The following ZYG11A variants were observed in gnomAD, a reference collection of about 807,000 sequenced individuals.
ZYG11A encodes the protein zyg-11 family member A, cell cycle regulator.
In ZYG11A, 62 loss-of-function variants were observed where a neutral mutation model predicts 77.2. That is an observed-to-expected ratio of 0.80 (90% CI 0.65 to 0.99). The LOEUF (loss-of-function observed/expected upper bound fraction) is 0.99. ZYG11A is among the 50% of genes least tolerant of loss of function. ZYG11A has a pLI of 0.00. For missense variants in ZYG11A, 828 were observed against 896.8 expected, an observed-to-expected ratio of 0.92 and a Z score of 0.98; for synonymous variants, 315 against 324.6, an observed-to-expected ratio of 0.97 and a Z score of 0.32.
chr1:52,877,369 T>G (rs1399882596), intron 8 of ZYG11A, among the ~76,000 whole-genome samples: 1 of 152,170 alleles, frequency 6.6e-6, no homozygotes, highest in African/African-American at 2.4e-5. Context: ...TCTTTTGTAC[T>G]TGGCTTAGAG....
chr1:52,842,840 C>A lies in ZYG11A; in HGVS notation c.-44C>A. ...GGTTCTCGCGGGATCCGGGCTCCGG[C>A]TCGACGCCGGCTCTCTTTTTGACGC... On this transcript the variant is annotated 5_prime_UTR_variant, in exon 1 of 14. Coordinates refer to ENST00000371528, the MANE Select transcript of ZYG11A (RefSeq NM_001004339.3). 1 of 1,516,192 alleles carries A rather than the reference C, an allele frequency of 6.6e-7. No individual in the cohort carries two copies. Among genetic ancestry groups the A allele is most frequent in the Non-Finnish European group, 8.9e-7 (1 of 1,128,418 alleles). The allele number at this position is 1,516,192 out of a possible 1,614,324, so 93.9% of individuals were successfully genotyped here.
At chr1:52,892,109 C>T (rs1294440987) in intron 13 of ZYG11A, among the ~76,000 whole-genome samples, 1 of 149,346 alleles carries the variant, frequency 6.7e-6, no homozygotes. Context: ...CCGTGTTAGC[C>T]AGGATGGTCT....
chr1:52,893,415 G>C lies in ZYG11A; in HGVS notation c.*458G>C, dbSNP rs1646577012. 6.4e-6 allele frequency: 1 copy of C among 155,516 alleles called. No homozygotes were observed. The allele number at this position is 155,516 out of a possible 1,614,324, so 9.6% of individuals were successfully genotyped here. The stretch of plus-strand genomic sequence containing the variant: ...TGGGAAGCATATGCTTCAAAATGTA[G>C]TGTTTAGAAGGCAGAACCCCTGTTG... On this transcript the variant is annotated 3_prime_UTR_variant, in exon 14 of 14. Transcript: ENST00000371528.
intron 1 of ZYG11A, 143 bp from the exon 2 acceptor site, chr1:52,854,322 C>T (rs923796162): frequency 7.0e-6 from 5 of 709,914 alleles, no homozygotes; most frequent in Admixed American, 3.8e-5. Flanking sequence ...GAGGTGGTTT[C>T]GTTACATATA....
chr1:52,850,866 C>T (rs1028324585), intron 1 of ZYG11A, among the ~76,000 whole-genome samples: 1 of 152,124 alleles, frequency 6.6e-6, no homozygotes, highest in African/African-American at 2.4e-5. Context: ...TTTAAACCCA[C>T]GAATTATAAT....
intron 13 of ZYG11A, 125 bp from the exon 14 acceptor site, chr1:52,892,657 C>T (rs1646565855): frequency 1.3e-6 from 1 of 790,136 alleles, no homozygotes; most frequent in African/African-American, 1.7e-5. Flanking sequence ...CTCATTTTAT[C>T]TGTTAATTCC....
rs147925160 is a variant in ZYG11A at position 52,876,869 on chromosome 1, C to T, written c.1543-813C>T. Among the ~76,000 whole-genome samples, 10 of 152,244 alleles carry T rather than the reference C, an allele frequency of 6.6e-5. 1 individual carries two copies. Among genetic ancestry groups the T allele is most frequent in the African/African-American group, 1.9e-4 (8 of 41,548 alleles). ...TTCATCAGCTGGTTAAAGTGAAAAT[C>T]GTTTTGTCTTTTTCCTCTCACATGA... is the stretch of plus-strand genomic sequence containing the variant. On this transcript the variant is annotated intron_variant, in intron 8 of 13. Coordinates refer to ENST00000371528, the MANE Select transcript of ZYG11A (RefSeq NM_001004339.3).
intron 4 of ZYG11A, among the ~76,000 whole-genome samples, chr1:52,861,285 G>A (rs1645921989): frequency 6.6e-6 from 1 of 152,132 alleles, no homozygotes; most frequent in African/African-American, 2.4e-5. Flanking sequence ...GTAATTACAA[G>A]TATTAAGAGG....
rs1214790283 is a variant in ZYG11A, at chr1:52,864,142, C to T, written c.1311C>T (p.Phe437=). 2.6e-6 allele frequency: 4 copies of T among 1,551,084 alleles called. No homozygotes were observed. In the Admixed American group the frequency reaches 5.9e-5, roughly 23 times the overall value. ...TCLLFKALKN[F]PHYQQLQKNC... The stretch of plus-strand genomic sequence containing the variant: ...TACTTTTCAAGGCTCTGAAAAATTT[C>T]CCCCATTACCAGCAGGTAATTTCAA... The change falls in exon 5 of 14, where the codon TTC becomes TTT. Residue 437 remains phenylalanine, a synonymous_variant. Transcript: ENST00000371528.
Position 52,873,967 on chromosome 1 carries a change from A to G in ZYG11A, c.1543-3715A>G, listed in dbSNP as rs190497935. Among the ~76,000 whole-genome samples, 92 of 152,026 alleles carry G rather than the reference A, an allele frequency of 6.1e-4. No homozygotes were observed. The East Asian group carries it at 0.016, about 26-fold the overall frequency. The stretch of plus-strand genomic sequence containing the variant: ...CCACTGCACTCCAGCCTGGGCAACA[A>G]GAGTGAAACTCCGTCTCAAAAAAAA... On this transcript the variant is annotated intron_variant, in intron 8 of 13. Coordinates refer to ENST00000371528, the MANE Select transcript of ZYG11A (RefSeq NM_001004339.3).
At chr1:52,849,335 T>A (rs920935964) in intron 1 of ZYG11A, among the ~76,000 whole-genome samples, 1 of 152,142 alleles carries the variant, frequency 6.6e-6, no homozygotes, top group Non-Finnish European at 1.5e-5. Flanking sequence ...CCCAAAGTGC[T>A]GGGATTACAG....
Position 52,877,805 on chromosome 1 carries a change from G to A in ZYG11A, c.1666G>A (p.Glu556Lys). The A allele has an allele frequency of 1.3e-6, 2 of 1,551,576 alleles. No homozygotes were observed. Among genetic ancestry groups the A allele is most frequent in the Non-Finnish European group, 1.7e-6 (2 of 1,146,954 alleles). Residue 556 changes from glutamate (E) to lysine (K), a missense_variant, in exon 9 of 14, where the codon GAA becomes AAA. Physicochemically the swap from Glu to Lys is moderately conservative, Grantham distance 56 (BLOSUM62 1). Coordinates refer to ENST00000371528, the MANE Select transcript of ZYG11A (RefSeq NM_001004339.3). ...TCCAGCTGCCTGCAAGCACTTCATT[G>A]AAAATCAAGGATTGCAAATCTTCAT... Reference protein sequence around the residue: ...GSPAACKHFIENQGLQIFIQV... With the variant: ...GSPAACKHFIKNQGLQIFIQV...
chr1:52,858,468 G>A (rs1210558543), intron 3 of ZYG11A, among the ~76,000 whole-genome samples: 2 of 151,142 alleles, frequency 1.3e-5, no homozygotes, highest in South Asian at 2.1e-4. Flanking sequence ...ACCATGCCCA[G>A]CTAGTTTTTT....
At chr1:52,851,245 C>A (rs979918420) in intron 1 of ZYG11A, among the ~76,000 whole-genome samples, 29 of 151,950 alleles carry the variant, frequency 1.9e-4, no homozygotes, top group African/African-American at 6.8e-4. Context: ...GGGGTTTTGC[C>A]ATGTTTCCAC....
chr1:52,890,304 G>A (rs1037981232), intron 13 of ZYG11A, among the ~76,000 whole-genome samples: 3 of 132,686 alleles, frequency 2.3e-5, no homozygotes, highest in Non-Finnish European at 4.6e-5. Context: ...AGACTGGAGT[G>A]CAGTGGCGTG....
At chr1:52,856,303 C>T (rs1645808793) in intron 2 of ZYG11A, among the ~76,000 whole-genome samples, 1 of 151,916 alleles carries the variant, frequency 6.6e-6, no homozygotes, top group African/African-American at 2.4e-5. Context: ...CATGGAATCT[C>T]ACCATAGAAG....
intron 2 of ZYG11A, among the ~76,000 whole-genome samples, chr1:52,855,632 A>C (rs1645796225): frequency 6.6e-6 from 1 of 152,214 alleles, no homozygotes; most frequent in African/African-American, 2.4e-5. Flanking sequence ...GGATTTGCCT[A>C]TTCTGAACAT....
At chr1:52,888,008 G>T (rs1017381220) in intron 13 of ZYG11A, among the ~76,000 whole-genome samples, 1 of 152,138 alleles carries the variant, frequency 6.6e-6, no homozygotes, top group Non-Finnish European at 1.5e-5. Flanking sequence ...TTGACTAGCT[G>T]TAAAGCAAGT....
chr1:52,843,073 G>C (rs1645482006), intron 1 of ZYG11A, 100 bp downstream of exon 1: 7 of 1,068,862 alleles, frequency 6.5e-6, no homozygotes, highest in Middle Eastern at 2.9e-4. Context: ...CACTTGCTGG[G>C]GAGTGTGGCC....
Sources: gnomAD v4.1 joint callset for allele counts (sites outside exome capture counted in the v4.1 genomes callset) on GRCh38, gnomAD v4.1.1 for gene constraint, MANE v1.5 for transcripts, NCBI Gene and HGNC (gene_info 2026-07-23, HGNC 2026-07-21) for gene names.